The following CCDC171 variants were observed in gnomAD, a reference collection of about 807,000 sequenced individuals.
The protein encoded by CCDC171 is coiled-coil domain-containing protein 171.
Under a neutral mutation model 168.2 loss-of-function variants are expected in CCDC171, and 177 were observed. That is an observed-to-expected ratio of 1.05 (90% confidence interval 0.93 to 1.19). The LOEUF (loss-of-function observed/expected upper bound fraction) is 1.19. Ranked by LOEUF, CCDC171 falls within the 50% of genes most tolerant of loss-of-function variation. CCDC171 has a pLI of 0.00. For synonymous variants in CCDC171, 687 were observed against 540.8 expected, an observed-to-expected ratio of 1.27 and a Z score of -3.75; for missense variants, 1,991 against 1,539.0, an observed-to-expected ratio of 1.29 and a Z score of -4.91.
chr9:15,813,879 AT>A (rs1236801147), intron 21 of CCDC171, among the ~76,000 whole-genome samples: 1 of 152,160 alleles, frequency 6.6e-6, no homozygotes, highest in Admixed American at 6.5e-5. Flanking sequence ...TGCACACACA[AT>A]TTTTTAATTT....
At chr9:15,630,915 A>C (rs1432195152) in intron 7 of CCDC171, among the ~76,000 whole-genome samples, 1 of 152,214 alleles carries the variant, frequency 6.6e-6, no homozygotes, top group Non-Finnish European at 1.5e-5. Context: ...CTGCTCCTGA[A>C]TGACTGCTGG....
intron 24 of CCDC171, among the ~76,000 whole-genome samples, chr9:15,909,670 C>G (rs1823323813): frequency 6.6e-6 from 1 of 151,900 alleles, no homozygotes; most frequent in Admixed American, 6.6e-5. Flanking sequence ...CCTCCTATAT[C>G]CTTAAAATTT....
chr9:16,094,675 G>T, the CCDC171 span, among the ~76,000 whole-genome samples: 4 of 152,188 alleles, frequency 2.6e-5, no homozygotes, highest in African/African-American at 9.7e-5. Context: ...GGACTTTCAG[G>T]AGATGTAGTT....
At chr9:15,767,408 C>A (rs941862989) in intron 18 of CCDC171, among the ~76,000 whole-genome samples, 1 of 152,164 alleles carries the variant, frequency 6.6e-6, no homozygotes, top group African/African-American at 2.4e-5. Context: ...CTTCTGTGTA[C>A]CACTTTAAAG....
intron 7 of CCDC171, among the ~76,000 whole-genome samples, chr9:15,647,215 C>T (rs1180374579): frequency 6.6e-6 from 1 of 152,056 alleles, no homozygotes; most frequent in Non-Finnish European, 1.5e-5. Context: ...AGAACAAAGA[C>T]ACAACATACC....
intron 21 of CCDC171, among the ~76,000 whole-genome samples, chr9:15,800,463 A>AT (rs1185047638): frequency 6.6e-6 from 1 of 151,890 alleles, no homozygotes; most frequent in Non-Finnish European, 1.5e-5. Flanking sequence ...AGATTATTAG[A>AT]TTTTTTTCCT....
intron 21 of CCDC171, among the ~76,000 whole-genome samples, chr9:15,807,939 T>A (rs7048298): frequency 6.6e-6 from 1 of 151,700 alleles, no homozygotes; most frequent in Non-Finnish European, 1.5e-5. Flanking sequence ...TTTCTCTTAT[T>A]AGGTTTTTTT....
rs1195441230 is a variant in CCDC171 at position 15,818,383 on chromosome 9, G to A, written c.3268-28319G>A. On this transcript the variant is annotated intron_variant, in intron 21 of 25. Transcript: ENST00000380701. ...GAGTTGAGAGAAGAAGGCTTCAGAA[G>A]ATAAAACTACTCCGAGCTAAAGGAG... 1.7e-5 allele frequency among the ~76,000 whole-genome samples: 2 copies of A among 117,316 alleles called. 1 individual carries two copies. The highest frequency in any genetic ancestry group is 3.8e-5 in the Non-Finnish European group (2 of 52,276). 77.0% of individuals were successfully genotyped at this position (117,316 alleles called of 152,430 possible).
intron 3 of CCDC171, among the ~76,000 whole-genome samples, chr9:16,003,830 G>T (rs1447304350): frequency 6.6e-6 from 1 of 152,142 alleles, no homozygotes; most frequent in Non-Finnish European, 1.5e-5. Flanking sequence ...TATCCCTTTG[G>T]TGCTCATATT....
At chr9:16,094,632 C>G in the CCDC171 span, among the ~76,000 whole-genome samples, 2 of 152,160 alleles carry the variant, frequency 1.3e-5, no homozygotes, top group Non-Finnish European at 2.9e-5. Context: ...AATGAGTTTT[C>G]TCCTCAAGAG....
rs938924995 is a variant in CCDC171 at position 15,671,706 on chromosome 9, G to T, written c.1076+5383G>T. 2.0e-5 allele frequency among the ~76,000 whole-genome samples: 3 copies of T among 152,066 alleles called. 1 individual carries two copies. The South Asian group carries it at 6.2e-4, about 32-fold the overall frequency. ...CGTGAGCTCATCCTTTTTTATGGCT[G>T]TATAGTATTCCATAGTGTATATGTG... On this transcript the variant is annotated intron_variant, in intron 9 of 25. Transcript: ENST00000380701.
intron 25 of CCDC171, among the ~76,000 whole-genome samples, chr9:15,943,192 CA>C (rs1012095829): frequency 2.6e-4 from 39 of 152,078 alleles, no homozygotes; most frequent in Middle Eastern, 6.8e-3. Flanking sequence ...ATATTTAATT[CA>C]GTGATCCTAG....
At chr9:15,610,814 C>T (rs1480917992) in intron 6 of CCDC171, among the ~76,000 whole-genome samples, 1 of 152,080 alleles carries the variant, frequency 6.6e-6, no homozygotes, top group Non-Finnish European at 1.5e-5. Flanking sequence ...CCGCCTTGGC[C>T]TCCCAAAATC....
intron 23 of CCDC171, among the ~76,000 whole-genome samples, chr9:15,858,765 C>G (rs1467334604): frequency 6.6e-6 from 1 of 151,900 alleles, no homozygotes; most frequent in South Asian, 2.1e-4. Flanking sequence ...CTAGGATGTT[C>G]CATACGTAAG....
intron 10 of CCDC171, among the ~76,000 whole-genome samples, chr9:15,684,319 A>G (rs1244258123): frequency 1.3e-5 from 2 of 152,132 alleles, no homozygotes; most frequent in African/African-American, 2.4e-5. Context: ...AGTTCAACCT[A>G]TGTTTAAAAT....
intron 11 of CCDC171, among the ~76,000 whole-genome samples, chr9:15,702,162 C>A (rs1384551927): frequency 6.6e-6 from 1 of 152,090 alleles, no homozygotes; most frequent in African/African-American, 2.4e-5. Context: ...AGTAGTAAGT[C>A]TCAACAGTGG....
At chr9:15,668,827 A>C (rs2048911607) in intron 9 of CCDC171, among the ~76,000 whole-genome samples, 1 of 152,132 alleles carries the variant, frequency 6.6e-6, no homozygotes, top group African/African-American at 2.4e-5. Context: ...AATTTTTTAA[A>C]TATTTTTTAA....
At chr9:15,663,501 G>A (rs537185060) in intron 8 of CCDC171, among the ~76,000 whole-genome samples, 2 of 151,562 alleles carry the variant, frequency 1.3e-5, no homozygotes. Context: ...GCCAAATGTA[G>A]CATACTATAT....
chr9:15,623,468 C>CAAACTT lies in CCDC171; in HGVS notation c.822+55_822+56insAAACTT, dbSNP rs1587491723. The CAAACTT allele has an allele frequency of 6.8e-6, 5 of 739,904 alleles. No homozygotes were observed. The East Asian group carries it at 1.4e-4, about 21-fold the overall frequency. The allele number at this position is 739,904 out of a possible 1,614,324, so 45.8% of individuals were successfully genotyped here. A position where few individuals can be genotyped will look rare whatever the true frequency, so the allele number is the denominator to read the frequency against. On this transcript the variant is annotated intron_variant, in intron 7 of 25. Transcript: ENST00000380701. ...ATGCGTACAAACTTTCACATATGCG[C>CAAACTT]GCGCGCGCACACACACACACACACA...
Sources: gnomAD v4.1 joint callset for allele counts (sites outside exome capture counted in the v4.1 genomes callset) on GRCh38, gnomAD v4.1.1 for gene constraint, MANE v1.5 for transcripts, NCBI Gene and HGNC (gene_info 2026-07-23, HGNC 2026-07-21) for gene names.